The following SAMD3 variants were observed in gnomAD, a reference collection of about 807,000 sequenced individuals.
SAMD3 encodes sterile alpha motif domain containing 3, also known as sterile alpha motif domain-containing protein 3.
SAMD3 carries 63 observed loss-of-function variants against 58.5 expected under a neutral mutation model. The ratio of observed to expected loss-of-function variants is 1.08; its 90% CI spans 0.88 to 1.33. The LOEUF is 1.33. Ranked by LOEUF, SAMD3 falls within the 40% of genes most tolerant of loss-of-function variation. The pLI, the probability that SAMD3 is intolerant of heterozygous loss-of-function variation, is 0.00. For missense variants in SAMD3, 604 were observed against 608.4 expected (o/e 0.99, Z 0.08); for synonymous variants, 220 against 210.3 (o/e 1.05, Z -0.40).
intron 2 of SAMD3, among the ~76,000 whole-genome samples, chr6:130,261,721 G>C (rs1289830032): frequency 1.3e-5 from 2 of 152,144 alleles, no homozygotes; most frequent in African/African-American, 2.4e-5. Context: ...TATGACACCA[G>C]GAAAACTTAA....
intron 5 of SAMD3, among the ~76,000 whole-genome samples, chr6:130,186,767 AT>A (rs35592601): frequency 2.7e-3 from 291 of 107,012 alleles, no homozygotes; most frequent in Middle Eastern, 6.6e-3. Flanking sequence ...CCTTCCTGGG[AT>A]TTTTTTTTTT....
At chr6:130,159,818 A>G (rs998952504) in intron 8 of SAMD3, 2 of 152,244 alleles carry the variant, frequency 1.3e-5, no homozygotes, top group African/African-American at 4.8e-5. Flanking sequence ...GCAGCCTCAT[A>G]GAAAAATAAG....
chr6:130,255,607 T>C (rs1354913154), intron 2 of SAMD3, among the ~76,000 whole-genome samples: 2 of 152,202 alleles, frequency 1.3e-5, no homozygotes, highest in African/African-American at 4.8e-5. Flanking sequence ...ATCCTTTGTG[T>C]GAAATATCTT....
chr6:130,172,801 T>C (rs577677565), intron 8 of SAMD3, among the ~76,000 whole-genome samples: 1 of 152,330 alleles, frequency 6.6e-6, no homozygotes, highest in East Asian at 1.9e-4. Flanking sequence ...GAAGTGTGTT[T>C]TCCAACTTGG....
At chr6:130,359,100 A>T (rs989466922) in intron 1 of SAMD3, among the ~76,000 whole-genome samples, 5 of 152,228 alleles carry the variant, frequency 3.3e-5, no homozygotes, top group African/African-American at 1.2e-4. Context: ...TGGAGAAAAA[A>T]TTAGTGCTTG....
rs149993146 is a variant in SAMD3, at chr6:130,242,816, C to T, written c.-187-20003G>A. ...AATGCAGTTGCCAATGGTTTGCCTT[C>T]AGCTTAGGAAGCACAGTTAGCTCTG... On this transcript the variant is annotated intron_variant, in intron 2 of 13. Transcript: ENST00000368134. Among the ~76,000 whole-genome samples, 235 of 152,306 alleles carry T rather than the reference C, an allele frequency of 1.5e-3. 1 individual carries two copies. The highest frequency in any genetic ancestry group is 5.5e-3 in the African/African-American group (227 of 41,562).
chr6:130,336,774 T>C (rs1385887623), intron 1 of SAMD3, among the ~76,000 whole-genome samples: 4 of 152,202 alleles, frequency 2.6e-5, no homozygotes, highest in Non-Finnish European at 2.9e-5. Context: ...TCTGAAGGTG[T>C]AATTCACTCT....
At chr6:130,208,395 C>T (rs57741931) in intron 5 of SAMD3, among the ~76,000 whole-genome samples, 3 of 152,286 alleles carry the variant, frequency 2.0e-5, no homozygotes, top group Admixed American at 2.0e-4. Flanking sequence ...AGGACACAGA[C>T]TGGTTCATGG....
intron 2 of SAMD3, among the ~76,000 whole-genome samples, chr6:130,240,986 T>A (rs1485618406): frequency 6.6e-6 from 1 of 152,092 alleles, no homozygotes. Context: ...CACCTCAGTA[T>A]CTTGGAGGCA....
chr6:130,272,709 TTTTTA>T (rs1259547788), intron 2 of SAMD3, among the ~76,000 whole-genome samples: 1 of 152,156 alleles, frequency 6.6e-6, no homozygotes, highest in Admixed American at 6.6e-5. Flanking sequence ...ACTTCTCAAA[TTTTTA>T]TTTTATTTTA....
chr6:130,253,298 A>G (rs780674005), intron 2 of SAMD3, among the ~76,000 whole-genome samples: 5 of 152,190 alleles, frequency 3.3e-5, no homozygotes, highest in Non-Finnish European at 7.3e-5. Flanking sequence ...AGGCAGAAAG[A>G]ATAGAGGAAA....
At chr6:130,280,557 C>G (rs1352905321) in intron 2 of SAMD3, among the ~76,000 whole-genome samples, 1 of 152,170 alleles carries the variant, frequency 6.6e-6, no homozygotes, top group Non-Finnish European at 1.5e-5. Flanking sequence ...TTCTAGCTTC[C>G]CAATTGCCTA....
chr6:130,339,012 C>G (rs1191899135), intron 1 of SAMD3, among the ~76,000 whole-genome samples: 2 of 152,002 alleles, frequency 1.3e-5, no homozygotes, highest in African/African-American at 2.4e-5. Context: ...ATGATATGCT[C>G]TGGCTCTGTG....
At chr6:130,161,353 TTTCA>T (rs1790264575) in intron 8 of SAMD3, 1 of 152,216 alleles carries the variant, frequency 6.6e-6, no homozygotes, top group Admixed American at 6.5e-5. Flanking sequence ...AATGGCTTTC[TTTCA>T]TCTACTGAAA....
chr6:130,247,411 G>A (rs1420602691), intron 2 of SAMD3, among the ~76,000 whole-genome samples: 2 of 151,192 alleles, frequency 1.3e-5, no homozygotes, highest in Non-Finnish European at 2.9e-5. Flanking sequence ...AGGTTGCAGT[G>A]AGCCGAGATT....
intron 1 of SAMD3, among the ~76,000 whole-genome samples, chr6:130,343,913 C>G (rs533465059): frequency 3.3e-5 from 5 of 151,788 alleles, no homozygotes; most frequent in African/African-American, 1.2e-4. Context: ...TACAGTGAAC[C>G]GAGGTCGCAC....
intron 1 of SAMD3, among the ~76,000 whole-genome samples, chr6:130,356,979 C>G (rs931181579): frequency 6.6e-6 from 1 of 152,122 alleles, no homozygotes; most frequent in Admixed American, 6.5e-5. Flanking sequence ...CTGAGGAAAA[C>G]GGACTTTTAC....
chr6:130,321,177 A>C (rs2326939), intron 1 of SAMD3, among the ~76,000 whole-genome samples: 67,672 of 152,096 alleles, frequency 0.44, 17,452 homozygotes, highest in African/African-American at 0.72. Flanking sequence ...AGTCTGGCTT[A>C]CATCTTTCAT....
rs750624871 is a variant in SAMD3 at position 130,184,510 on chromosome 6, G to A, written c.497C>T (p.Pro166Leu). 17 of 1,614,096 alleles carry A rather than the reference G, an allele frequency of 1.1e-5. No homozygotes were observed. The highest frequency in any genetic ancestry group is 3.3e-5 in the South Asian group (3 of 91,070). Reference protein sequence around the residue: ...VKCMLAEQKCPDHSMRIRIIE... With the variant: ...VKCMLAEQKCLDHSMRIRIIE... ...GATCCTTATCCTCATGCTGTGATCC[G>A]GGCACTTCTGCTCTGCTAACATGCA... Residue 166 changes from proline (P) to leucine (L), a missense_variant, in exon 6 of 12, where the codon CCG (proline) becomes CTG (leucine). Physicochemically the swap from Pro to Leu is moderately conservative, Grantham distance 98. Coordinates refer to ENST00000439090, the MANE Select transcript of SAMD3 (RefSeq NM_001017373.4).
Sources: allele counts gnomAD v4.1 joint callset (sites outside exome capture counted in the v4.1 genomes callset), GRCh38; gene constraint gnomAD v4.1.1; transcripts MANE v1.5; gene names NCBI Gene and HGNC (gene_info 2026-07-23, HGNC 2026-07-21).